GAD2: variants seen among roughly 807,000 people sequenced by gnomAD.
GAD2 encodes the protein 65 kDa glutamic acid decarboxylase.
Under a neutral mutation model 80.1 loss-of-function variants are expected in GAD2, and 22 were observed. The ratio of observed to expected loss-of-function variants is 0.27; its 90% confidence interval spans 0.20 to 0.39. The LOEUF is 0.39. GAD2 is among the 10% of genes least tolerant of loss of function. GAD2 has a pLI of 1.00. For missense variants in GAD2, 624 were observed against 738.4 expected (o/e 0.85, Z 1.80); for synonymous variants, 274 against 256.9 (o/e 1.07, Z -0.64).
intron 13 of GAD2, among the ~76,000 whole-genome samples, chr10:26,290,046 G>A (rs755691705): frequency 1.3e-5 from 2 of 151,868 alleles, no homozygotes; most frequent in Non-Finnish European, 2.9e-5. Context: ...AATTAAAAAT[G>A]TGGATAACAG....
At chr10:26,232,245 G>A (rs59122563) in intron 7 of GAD2, among the ~76,000 whole-genome samples, 16,197 of 152,048 alleles carry the variant, frequency 0.11, 1,056 homozygotes, top group African/African-American at 0.17. Flanking sequence ...TTTATTGGGC[G>A]TCTTTTTCTT....
At position 26,217,558 on chromosome 10, in the gene GAD2, G is replaced by T; in HGVS notation, c.77-52G>T. The T allele has an allele frequency of 1.3e-6, 2 of 1,552,784 alleles. No individual in the cohort carries two copies. Among genetic ancestry groups the T allele is most frequent in the South Asian group, 2.3e-5 (2 of 86,086 alleles). On this transcript the variant is annotated intron_variant, in intron 1 of 15. Coordinates refer to ENST00000376261, the MANE Select transcript of GAD2 (RefSeq NM_001134366.2). This position sits in a 1 kb window ranked among gnomAD's most constrained non-coding sequence, Gnocchi z 4.9. Reference sequence around the variant, plus strand: ...ACATAGAACGAAATTTCACACGTCCGTCTGTTGTTCTCTTTCTGCCTCGCT... The same window carrying T: ...ACATAGAACGAAATTTCACACGTCCTTCTGTTGTTCTCTTTCTGCCTCGCT...
intron 12 of GAD2, 102 bp downstream of exon 12, chr10:26,281,189 A>G: frequency 3.6e-6 from 3 of 831,158 alleles, no homozygotes; most frequent in South Asian, 1.5e-5. Flanking sequence ...GGTCTTCTCT[A>G]TGGTCCTACT....
At chr10:26,247,294 C>T (rs999493762) in intron 8 of GAD2, among the ~76,000 whole-genome samples, 12 of 152,080 alleles carry the variant, frequency 7.9e-5, no homozygotes, top group Non-Finnish European at 1.6e-4. Flanking sequence ...AGGAGGATGA[C>T]CAGAAGTCAC....
chr10:26,279,782 C>CA (rs1156403575), intron 11 of GAD2, among the ~76,000 whole-genome samples: 1 of 152,012 alleles, frequency 6.6e-6, no homozygotes, highest in South Asian at 2.1e-4. Context: ...AGGCATGAGG[C>CA]AAAAAAAGAT....
At chr10:26,276,497 T>C (rs1845208819) in intron 11 of GAD2, among the ~76,000 whole-genome samples, 1 of 152,176 alleles carries the variant, frequency 6.6e-6, no homozygotes, top group African/African-American at 2.4e-5. Flanking sequence ...TTCTCCTGCC[T>C]CAACCTCCTG....
chr10:26,253,600 G>C (rs1844907603), intron 8 of GAD2, among the ~76,000 whole-genome samples: 1 of 152,186 alleles, frequency 6.6e-6, no homozygotes, highest in African/African-American at 2.4e-5. Context: ...TGGAAGGATG[G>C]GGAGTTCCTA....
chr10:26,272,114 C>T (rs1453034540), intron 10 of GAD2, among the ~76,000 whole-genome samples: 1 of 152,110 alleles, frequency 6.6e-6, no homozygotes, highest in African/African-American at 2.4e-5. Flanking sequence ...TAGCTGGGTG[C>T]ATTTCCATTA....
rs748643830 is a variant in GAD2 at position 26,229,728 on chromosome 10, A to T, written c.791A>T (p.Glu264Val). Residue 264 changes from glutamate to valine, a missense_variant, in exon 7 of 16, where the codon GAG (glutamate) becomes GTG (valine). Glu to Val is a moderately radical substitution (Grantham distance 121, BLOSUM62 -2). Coordinates refer to ENST00000376261, the MANE Select transcript of GAD2 (RefSeq NM_001134366.2). ...TTTAAGATGTTCCCAGAAGTCAAGG[A>T]GAAAGGAATGGCTGCTCTTCCCAGG... ...ARFKMFPEVKEKGMAALPRLI... is the reference protein window; with the variant it reads ...ARFKMFPEVKVKGMAALPRLI... 6 of 1,614,186 alleles carry T rather than the reference A, an allele frequency of 3.7e-6. No homozygotes were observed. Among genetic ancestry groups the T allele is most frequent in the Non-Finnish European group, 5.1e-6 (6 of 1,180,032 alleles).
chr10:26,293,170 T>G (rs1834237521), intron 15 of GAD2, among the ~76,000 whole-genome samples, 179 bp downstream of exon 15: 1 of 146,178 alleles, frequency 6.8e-6, no homozygotes, highest in Non-Finnish European at 1.5e-5. Flanking sequence ...GACATTTTTC[T>G]TCTTTTTTTT....
intron 7 of GAD2, among the ~76,000 whole-genome samples, chr10:26,236,356 A>G (rs1240640024): frequency 2.0e-5 from 3 of 147,298 alleles, no homozygotes; most frequent in African/African-American, 7.6e-5. Context: ...GCTGGAGTGC[A>G]ATGACGCAAT....
intron 8 of GAD2, among the ~76,000 whole-genome samples, chr10:26,251,115 G>A (rs1261759282): frequency 6.8e-6 from 1 of 147,378 alleles, no homozygotes; most frequent in Admixed American, 6.8e-5. Flanking sequence ...AGCCAGGATG[G>A]TCTTGATCTC....
At chr10:26,289,790 C>G (rs906854787) in intron 13 of GAD2, among the ~76,000 whole-genome samples, 13 of 142,030 alleles carry the variant, frequency 9.2e-5, no homozygotes, top group East Asian at 6.2e-4. Flanking sequence ...ATCTCCCCCC[C>G]ACCTTTTTTT....
chr10:26,218,502 C>A (rs1844410778), intron 3 of GAD2, among the ~76,000 whole-genome samples: 1 of 151,952 alleles, frequency 6.6e-6, no homozygotes, highest in African/African-American at 2.4e-5. Flanking sequence ...CAAATGTACG[C>A]GCGCACACAC....
chr10:26,272,080 A>T (rs1845143894), intron 10 of GAD2, among the ~76,000 whole-genome samples: 1 of 152,066 alleles, frequency 6.6e-6, no homozygotes, highest in African/African-American at 2.4e-5. Context: ...TCTTTTCTTT[A>T]GGGGCAGAAA....
At chr10:26,218,049 C>T (rs1055869838) in intron 3 of GAD2, 58 bp downstream of exon 3, 2 of 1,510,064 alleles carry the variant, frequency 1.3e-6, no homozygotes, top group Non-Finnish European at 1.8e-6. Flanking sequence ...CCCCGCCCAC[C>T]GCGGCCGGTG....
chr10:26,287,338 A>G (rs1406812864), intron 13 of GAD2, among the ~76,000 whole-genome samples: 1 of 152,192 alleles, frequency 6.6e-6, no homozygotes, highest in African/African-American at 2.4e-5. Flanking sequence ...AAAGTGAGAA[A>G]GGGGGCGATT....
chr10:26,301,072 G>A lies in GAD2; in HGVS notation c.*111G>A, dbSNP rs1834325117. 1.1e-6 allele frequency: 1 copy of A among 938,668 alleles called. No individual in the cohort carries two copies. The highest frequency in any genetic ancestry group is 1.6e-6 in the Non-Finnish European group (1 of 619,866). 58.1% of individuals were successfully genotyped at this position (938,668 alleles called of 1,614,324 possible). On this transcript the variant is annotated 3_prime_UTR_variant, in exon 16 of 16. Coordinates refer to ENST00000376261, the MANE Select transcript of GAD2 (RefSeq NM_001134366.2). ...AAAGTAAATCTATTTCTATATTGTG[G>A]TGTCAAAGTAGAGTTTAAAAATTAA...
intron 9 of GAD2, 100 bp from the exon 10 acceptor site, chr10:26,270,540 A>C: frequency 4.7e-6 from 4 of 846,254 alleles, no homozygotes; most frequent in Non-Finnish European, 6.1e-6. Flanking sequence ...TCAAATTCAG[A>C]CGTGTCTGTT....
Sources: gnomAD v4.1 joint callset for allele counts (sites outside exome capture counted in the v4.1 genomes callset) on GRCh38, gnomAD v4.1.1 for gene constraint, Gnocchi (gnomAD v3.1) non-coding constraint, MANE v1.5 for transcripts, NCBI Gene and HGNC (gene_info 2026-07-23, HGNC 2026-07-21) for gene names.